Variants in ABHD12 observed in about 807,000 individuals in gnomAD.
The protein encoded by ABHD12 is abhydrolase domain containing 12, lysophospholipase.
In ABHD12, 43 loss-of-function variants were observed where a neutral mutation model predicts 58.3. That is an observed-to-expected ratio of 0.74 (90% CI 0.58 to 0.95). ABHD12 has a LOEUF of 0.95. Among genes scored for constraint, ABHD12 ranks in the 40% least tolerant of loss-of-function variants. ABHD12 has a pLI of 0.00. For synonymous variants in ABHD12, 219 were observed against 211.2 expected, an observed-to-expected ratio of 1.04 and a Z score of -0.32; for missense variants, 539 against 537.2, an observed-to-expected ratio of 1.00 and a Z score of -0.03.
At chr20:25,309,666 G>A (rs2088812745) in intron 6 of ABHD12, 91 bp from the exon 7 acceptor site, 2 of 1,578,406 alleles carry the variant, frequency 1.3e-6, no homozygotes, top group Non-Finnish European at 1.7e-6. Context: ...AGGGCCAGGA[G>A]GAGACAGGGA....
chr20:25,352,006 T>A (rs1420277958), intron 1 of ABHD12, among the ~76,000 whole-genome samples: 1 of 152,246 alleles, frequency 6.6e-6, no homozygotes, highest in Non-Finnish European at 1.5e-5. Flanking sequence ...TATTTTTATT[T>A]TTTGAGACAG....
intron 1 of ABHD12, among the ~76,000 whole-genome samples, chr20:25,358,207 G>A (rs2089694165): frequency 6.6e-6 from 1 of 152,084 alleles, no homozygotes; most frequent in African/African-American, 2.4e-5. Flanking sequence ...ACTAACAAAG[G>A]AACAAAAGTT....
At chr20:25,360,227 C>CTGTTTTTT (rs2089726632) in intron 1 of ABHD12, among the ~76,000 whole-genome samples, 1 of 37,392 alleles carries the variant, frequency 2.7e-5, no homozygotes, top group Non-Finnish European at 4.7e-5. Flanking sequence ...GAACACGTTA[C>CTGTTTTTT]TTTTTTTTTT....
At chr20:25,303,430 G>A (rs375330277) in intron 11 of ABHD12, 120 bp downstream of exon 11, 21 of 1,532,138 alleles carry the variant, frequency 1.4e-5, no homozygotes, top group African/African-American at 6.9e-5. Flanking sequence ...TGGCTGGTGC[G>A]CAGCCCGTGA....
chr20:25,344,366 T>C (rs575316637), intron 1 of ABHD12, among the ~76,000 whole-genome samples: 45 of 152,308 alleles, frequency 3.0e-4, no homozygotes, highest in African/African-American at 1.1e-3. Flanking sequence ...GAGGTTAATA[T>C]ACATAAGCCA....
intron 1 of ABHD12, chr20:25,368,231 G>A: frequency 7.0e-7 from 1 of 1,430,450 alleles, no homozygotes; most frequent in Non-Finnish European, 9.7e-7. Context: ...CTGAGCTACA[G>A]AAGGAATGGT....
downstream of ABHD12, among the ~76,000 whole-genome samples, chr20:25,295,863 G>GA (rs1445741462): frequency 6.6e-6 from 1 of 152,178 alleles, no homozygotes; most frequent in African/African-American, 2.4e-5. Context: ...TCCCTCCGTT[G>GA]AAAAAAACAG....
At chr20:25,297,907 C>T (rs529313893), downstream of ABHD12, 1 of 152,426 alleles carries the variant, frequency 6.6e-6, no homozygotes, top group East Asian at 1.9e-4. Context: ...GGCCATACTC[C>T]CCTAGTTGGC....
At chr20:25,309,386 A>C (rs536543030) in intron 7 of ABHD12, 60 bp downstream of exon 7, 1 of 1,611,218 alleles carries the variant, frequency 6.2e-7, no homozygotes, top group East Asian at 2.2e-5. Context: ...AGATCCAGGC[A>C]TGGGAGTCAC....
chr20:25,319,502 C>A (rs2089026384), intron 4 of ABHD12, among the ~76,000 whole-genome samples: 1 of 152,212 alleles, frequency 6.6e-6, no homozygotes, highest in Non-Finnish European at 1.5e-5. Flanking sequence ...TCAGCACCTG[C>A]CACTTTTTTC....
intron 1 of ABHD12, among the ~76,000 whole-genome samples, chr20:25,346,757 GC>G (rs11306165): frequency 0.54 from 82,107 of 151,804 alleles, 22,787 homozygotes; most frequent in Admixed American, 0.61. Flanking sequence ...CCATTCTCCT[GC>G]CCTCAGCCTC....
chr20:25,324,498 G>C (rs991381935), intron 2 of ABHD12, among the ~76,000 whole-genome samples: 1 of 152,152 alleles, frequency 6.6e-6, no homozygotes, highest in Non-Finnish European at 1.5e-5. Flanking sequence ...TTATAAAATG[G>C]CAACTCCCAA....
At chr20:25,311,656 G>A (rs976473057) in intron 6 of ABHD12, among the ~76,000 whole-genome samples, 7 of 152,188 alleles carry the variant, frequency 4.6e-5, no homozygotes, top group South Asian at 4.1e-4. Context: ...AGCCAGCCAC[G>A]TTGCCATCAA....
intron 1 of ABHD12, among the ~76,000 whole-genome samples, chr20:25,369,840 G>T (rs1164148310): frequency 6.6e-6 from 1 of 151,778 alleles, no homozygotes; most frequent in Non-Finnish European, 1.5e-5. Flanking sequence ...GCACTCTGTG[G>T]GGGCTGAGGC....
chr20:25,322,938 G>A (rs2089107322), intron 3 of ABHD12, among the ~76,000 whole-genome samples: 4 of 151,600 alleles, frequency 2.6e-5, no homozygotes, highest in Non-Finnish European at 5.9e-5. Flanking sequence ...GCCAAGGCTG[G>A]TCTCAAACTC....
At chr20:25,370,368 C>A (rs899604312) in intron 1 of ABHD12, among the ~76,000 whole-genome samples, 18 of 152,146 alleles carry the variant, frequency 1.2e-4, no homozygotes, top group African/African-American at 4.3e-4. Flanking sequence ...AGAGAAGGCT[C>A]TGTGGAAGAC....
At chr20:25,360,507 G>A (rs900234225) in intron 1 of ABHD12, among the ~76,000 whole-genome samples, 2 of 151,902 alleles carry the variant, frequency 1.3e-5, no homozygotes, top group Non-Finnish European at 2.9e-5. Flanking sequence ...CTAAAGTGCT[G>A]GGATTACAGG....
chr20:25,375,729 C>G, intron 1 of ABHD12, among the ~76,000 whole-genome samples: 1 of 151,138 alleles, frequency 6.6e-6, no homozygotes, highest in Non-Finnish European at 1.5e-5. Flanking sequence ...AAAATTGTTT[C>G]GTGTATGTTG....
chr20:25,334,444 G>GA (rs1231635165), intron 2 of ABHD12, among the ~76,000 whole-genome samples: 11 of 149,286 alleles, frequency 7.4e-5, no homozygotes, highest in Admixed American at 3.3e-4. Context: ...CACAGAATTG[G>GA]AAAAAACTAC....
Sources: gnomAD v4.1 joint callset for allele counts (sites outside exome capture counted in the v4.1 genomes callset) on GRCh38, gnomAD v4.1.1 for gene constraint, MANE v1.5 for transcripts, NCBI Gene and HGNC (gene_info 2026-07-23, HGNC 2026-07-21) for gene names.